The following SPARCL1 variants were observed in gnomAD, a reference collection of about 807,000 sequenced individuals.
SPARCL1 encodes the protein SPARC like 1, also known as SPARC-like protein 1.
A neutral mutation model predicts 67.1 loss-of-function variants in SPARCL1; 52 were observed. That is an observed-to-expected ratio of 0.78 (90% CI 0.62 to 0.98). The LOEUF (loss-of-function observed/expected upper bound fraction) is 0.98. Ranked by LOEUF, SPARCL1 falls within the 50% of genes least tolerant of loss-of-function variation. The pLI is 0.00. For synonymous variants in SPARCL1, 226 were observed against 267.8 expected, an observed-to-expected ratio of 0.84 and a Z score of 1.52; for missense variants, 717 against 782.4, an observed-to-expected ratio of 0.92 and a Z score of 1.00.
At chr4:87,518,410 C>T (rs576113774) in intron 1 of SPARCL1, among the ~76,000 whole-genome samples, 2 of 152,312 alleles carry the variant, frequency 1.3e-5, no homozygotes, top group East Asian at 3.9e-4. Context: ...GCAGTTATCT[C>T]AGGCTATCAT....
intron 10 of SPARCL1, among the ~76,000 whole-genome samples, chr4:87,476,586 G>A (rs982738455): frequency 2.0e-5 from 3 of 152,186 alleles, no homozygotes; most frequent in South Asian, 2.1e-4. Flanking sequence ...GGGAACTTGC[G>A]TCATCTGAGT....
chr4:87,489,117 T>C (rs955890682), intron 7 of SPARCL1, among the ~76,000 whole-genome samples: 10 of 152,158 alleles, frequency 6.6e-5, no homozygotes, highest in Admixed American at 1.3e-4. Context: ...CTTGCTGGCA[T>C]TCCAGGTGCC....
Position 87,493,720 on chromosome 4 carries a change from G to C in SPARCL1, c.1080C>G (p.Asp360Glu), listed in dbSNP as rs550362408. 6.2e-7 allele frequency: 1 copy of C among 1,614,146 alleles called. No homozygotes were observed. Among genetic ancestry groups the C allele is most frequent in the East Asian group, 2.2e-5 (1 of 44,872 alleles). ...GAAAGGCCTGGCTTGGGATGAAGTA[G>C]TCATCACTTGCACTGTGCCTGGGGC... ...TDGPRHSASDDYFIPSQAFLE... is the reference protein window; with the variant it reads ...TDGPRHSASDEYFIPSQAFLE... Residue 360 changes from aspartate (D) to glutamate (E), a missense_variant, in exon 4 of 11, where the codon GAC becomes GAG. Asp to Glu is a conservative substitution (Grantham distance 45). Transcript: ENST00000282470.
intron 1 of SPARCL1, among the ~76,000 whole-genome samples, chr4:87,525,408 G>A (rs1057084201): frequency 6.6e-6 from 1 of 152,172 alleles, no homozygotes; most frequent in East Asian, 1.9e-4. Flanking sequence ...AGGTATGAGT[G>A]CCAGGATTCA....
Position 87,493,853 on chromosome 4 carries a change from A to G in SPARCL1, c.947T>C (p.Val316Ala). The stretch of plus-strand genomic sequence containing the variant: ...AGGTTCCATGAGCAGAGCCTCAGAA[A>G]CAGTCTTTTCTTCTGTCTCTTTGTG... ...SNHKETEEKT[V>A]SEALLMEPTD... is the part of the protein sequence containing the mutation. The change falls in exon 4 of 11, where the codon GTT becomes GCT. Residue 316 changes from valine (V) to alanine (A), a missense_variant. Coordinates refer to ENST00000282470, the MANE Select transcript of SPARCL1 (RefSeq NM_004684.6). 1 of 1,614,062 alleles carries G rather than the reference A, an allele frequency of 6.2e-7. No homozygotes were observed. Among genetic ancestry groups the G allele is most frequent in the Middle Eastern group, 1.6e-4 (1 of 6,062 alleles).
chr4:87,482,492 T>C lies in SPARCL1; in HGVS notation c.1600A>G (p.Ile534Val). ...TTGGCTTCATAAAGCTGCATGAGGA[T>C]ATTCTTGAGCCAGTCTCTCATCCGT... ...PLRMRDWLKN[I>V]LMQLYEANSE... The change falls in exon 8 of 11, where the codon ATC becomes GTC. Residue 534 changes from isoleucine (I) to valine (V), a missense_variant. Physicochemically the swap from Ile to Val is conservative, Grantham distance 29 (BLOSUM62 3). Coordinates refer to ENST00000282470, the MANE Select transcript of SPARCL1 (RefSeq NM_004684.6). 1 of 1,614,078 alleles carries C rather than the reference T, an allele frequency of 6.2e-7. No homozygotes were observed. Among genetic ancestry groups the C allele is most frequent in the Non-Finnish European group, 8.5e-7 (1 of 1,179,964 alleles).
At chr4:87,509,453 T>C (rs1018794836) in intron 1 of SPARCL1, among the ~76,000 whole-genome samples, 7 of 152,188 alleles carry the variant, frequency 4.6e-5, no homozygotes, top group African/African-American at 7.2e-5. Context: ...TTAACTACTG[T>C]ATAGAGATGA....
chr4:87,507,853 C>T lies in SPARCL1; in HGVS notation c.-11-8268G>A, dbSNP rs568697566. On this transcript the variant is annotated intron_variant, in intron 1 of 10. Transcript: ENST00000282470. ...GCTTCCATGACTCCCTCTTGGGGTTCGATTAATTTGCTAGAGTGCATCACA... is the reference window on the plus strand; with the variant it reads ...GCTTCCATGACTCCCTCTTGGGGTTTGATTAATTTGCTAGAGTGCATCACA... Among the ~76,000 whole-genome samples the T allele has an allele frequency of 2.2e-3, 336 of 152,250 alleles. 1 individual carries two copies. Among genetic ancestry groups the T allele is most frequent in the African/African-American group, 7.6e-3 (317 of 41,546 alleles).
At chr4:87,475,808 TG>T (rs1424007381) in intron 10 of SPARCL1, among the ~76,000 whole-genome samples, 1 of 152,218 alleles carries the variant, frequency 6.6e-6, no homozygotes, top group African/African-American at 2.4e-5. Context: ...TGAGCCACTG[TG>T]GAAAGCAGTT....
chr4:87,486,835 G>C (rs1216925259), intron 7 of SPARCL1, among the ~76,000 whole-genome samples: 2 of 101,184 alleles, frequency 2.0e-5, no homozygotes, highest in African/African-American at 7.7e-5. Flanking sequence ...TGTGTTTTTT[G>C]ATCTTTGTTG....
At position 87,490,469 on chromosome 4, in the gene SPARCL1, T is replaced by C. The variant is rs775450713; in HGVS notation, c.1411-76A>G. On this transcript the variant is annotated intron_variant, in intron 6 of 10. Transcript: ENST00000282470. ...AAGACACTCTGCTCCTTAAAGCTCA[T>C]ATGCTGATAACAGCGCTGTGCCAAA... 57 of 1,505,144 alleles carry C rather than the reference T, an allele frequency of 3.8e-5. 1 individual carries two copies. Among genetic ancestry groups the C allele is most frequent in the Admixed American group, 2.1e-4 (10 of 47,116 alleles). The allele number at this position is 1,505,144 out of a possible 1,614,324, so 93.2% of individuals were successfully genotyped here. A position where few individuals can be genotyped will look rare whatever the true frequency, so the allele number is the denominator to read the frequency against.
chr4:87,482,390 A>T (rs1240465182), intron 8 of SPARCL1, 34 bp downstream of exon 8: 1 of 1,607,506 alleles, frequency 6.2e-7, no homozygotes, highest in Non-Finnish European at 8.5e-7. Flanking sequence ...CCCTGTAGAC[A>T]GACATTGAAG....
chr4:87,482,771 A>T (rs950290567), intron 7 of SPARCL1, among the ~76,000 whole-genome samples: 3 of 152,128 alleles, frequency 2.0e-5, no homozygotes, highest in African/African-American at 7.2e-5. Flanking sequence ...AATCAAGTAA[A>T]TTCTGATGTG....
At chr4:87,480,059 C>T (rs1487884719) in intron 9 of SPARCL1, among the ~76,000 whole-genome samples, 1 of 151,410 alleles carries the variant, frequency 6.6e-6, no homozygotes, top group Non-Finnish European at 1.5e-5. Flanking sequence ...TATTACATAG[C>T]TTTGATAATT....
At chr4:87,486,861 T>C (rs1724079857) in intron 7 of SPARCL1, among the ~76,000 whole-genome samples, 1 of 150,592 alleles carries the variant, frequency 6.6e-6, no homozygotes, top group African/African-American at 2.4e-5. Flanking sequence ...AAGCCTGTTT[T>C]ATCTGAGGCT....
At chr4:87,527,388 A>G (rs1412960392) in intron 1 of SPARCL1, among the ~76,000 whole-genome samples, 1 of 151,906 alleles carries the variant, frequency 6.6e-6, no homozygotes, top group African/African-American at 2.4e-5. Flanking sequence ...ATCTTCTAAC[A>G]AGTTGTTTAT....
intron 4 of SPARCL1, 67 bp from the exon 5 acceptor site, chr4:87,491,757 C>T: frequency 9.3e-7 from 1 of 1,076,592 alleles, no homozygotes; most frequent in Non-Finnish European, 1.4e-6. Context: ...TTTATATTTC[C>T]ACTGTGCATA....
chr4:87,519,736 A>G (rs1289412556), intron 1 of SPARCL1, among the ~76,000 whole-genome samples: 4 of 152,220 alleles, frequency 2.6e-5, no homozygotes, highest in African/African-American at 9.6e-5. Context: ...TAGTAATTTT[A>G]TTTTTAAATA....
In SPARCL1 at chr4:87,479,505, AG is replaced by A. The variant is rs1183882199; in HGVS notation, c.1890del (p.Phe631LeufsTer14). 3 of 1,614,132 alleles carry A rather than the reference AG, an allele frequency of 1.9e-6. No individual in the cohort carries two copies. The South Asian group carries it at 3.3e-5, about 18-fold the overall frequency. ...TCCTTGTTGGGGTCACACTCCTCAAAGAAACGGGTTATGCAGTGTTCCATGG... is the reference window on the plus strand; with the variant it reads ...TCCTTGTTGGGGTCACACTCCTCAAAAAACGGGTTATGCAGTGTTCCATGG... The part of the protein sequence containing the change: ...LVPMEHCITR[F>X]FEECDPNKDK... On this transcript the variant is annotated frameshift_variant, in exon 10 of 11. Transcript: ENST00000282470. LOFTEE classifies it high-confidence loss of function.
Sources: gnomAD v4.1 joint callset for allele counts (sites outside exome capture counted in the v4.1 genomes callset) on GRCh38, gnomAD v4.1.1 for gene constraint, MANE v1.5 for transcripts, NCBI Gene and HGNC (gene_info 2026-07-23, HGNC 2026-07-21) for gene names.